The following TACR1 variants were observed in gnomAD, a reference collection of about 807,000 sequenced individuals.
The protein encoded by TACR1 is substance-P receptor.
In TACR1, 25 loss-of-function variants were observed where a neutral mutation model predicts 35.8. The observed-to-expected ratio is 0.70, with a 90% CI of 0.51 to 0.98. TACR1 has a LOEUF of 0.98. TACR1 is among the 50% of genes least tolerant of loss of function. The pLI is 0.00. For missense variants in TACR1, 478 were observed against 522.9 expected, an observed-to-expected ratio of 0.91 and a Z score of 0.84; for synonymous variants, 195 against 206.7, an observed-to-expected ratio of 0.94 and a Z score of 0.48.
chr2:75,114,011 G>T (rs999648038), intron 2 of TACR1, among the ~76,000 whole-genome samples: 2 of 152,080 alleles, frequency 1.3e-5, no homozygotes, highest in Non-Finnish European at 2.9e-5. Context: ...GCTGATTTTT[G>T]ATAATGAATC....
At chr2:75,058,027 C>G (rs1672602907) in intron 2 of TACR1, among the ~76,000 whole-genome samples, 2 of 152,136 alleles carry the variant, frequency 1.3e-5, no homozygotes, top group Non-Finnish European at 2.9e-5. Flanking sequence ...GTGCCACATC[C>G]CCACTGAAAA....
chr2:75,098,806 C>T (rs1673473576), intron 2 of TACR1, among the ~76,000 whole-genome samples: 1 of 152,202 alleles, frequency 6.6e-6, no homozygotes, highest in Non-Finnish European at 1.5e-5. Context: ...AGGCAATCTC[C>T]TGTCAATACT....
rs541435462 is a variant in TACR1, at chr2:75,198,629, C to CA, written c.305dup (p.Phe103ValfsTer27). 1 of 1,614,194 alleles carries CA rather than the reference C, an allele frequency of 6.2e-7. No homozygotes were observed. On this transcript the variant is annotated frameshift_variant, in exon 1 of 5. Transcript: ENST00000305249. LOFTEE classifies it high-confidence loss of function. ...AGAAGTTGTGGAACTTGCAGTAGAA[C>CA]AGGCCGTAGTACCATTCGTTGTGGA...
At chr2:75,079,237 C>A (rs1673034567) in intron 2 of TACR1, among the ~76,000 whole-genome samples, 1 of 152,194 alleles carries the variant, frequency 6.6e-6, no homozygotes, top group African/African-American at 2.4e-5. Context: ...CTCTCTCTTT[C>A]ATATACTTCC....
At chr2:75,120,521 G>A in intron 2 of TACR1, 53 bp downstream of exon 2, 1 of 1,499,122 alleles carries the variant, frequency 6.7e-7, no homozygotes, top group South Asian at 1.3e-5. Context: ...GAAGGGGCCA[G>A]GAAGGCAGCC....
rs112845614 is a variant in TACR1, at chr2:75,054,608, G to A, written c.585-853C>T. 4.6e-3 allele frequency among the ~76,000 whole-genome samples: 696 copies of A among 152,184 alleles called. 10 individuals carry two copies. Among genetic ancestry groups the A allele is most frequent in the African/African-American group, 0.016 (656 of 41,498 alleles). The stretch of plus-strand genomic sequence containing the variant: ...TTTATCCTTTTCTGTTAAAGGGAAG[G>A]CTCCTTTTCAGACTTAAATAAGGTT... On this transcript the variant is annotated intron_variant, in intron 2 of 4. Transcript: ENST00000305249.
intron 1 of TACR1, chr2:75,154,414 A>T (rs78101006): frequency 3.7e-5 from 3 of 81,176 alleles, no homozygotes; most frequent in Non-Finnish European, 7.7e-5. Flanking sequence ...GCGCACGCAC[A>T]CACACACACA....
At chr2:75,156,025 A>C (rs1572964347) in intron 1 of TACR1, among the ~76,000 whole-genome samples, 1 of 152,244 alleles carries the variant, frequency 6.6e-6, no homozygotes. Context: ...TGAAATTCAA[A>C]TTTCAGTGTC....
chr2:75,159,369 A>T (rs554541113), intron 1 of TACR1, among the ~76,000 whole-genome samples: 6 of 152,304 alleles, frequency 3.9e-5, no homozygotes, highest in Non-Finnish European at 8.8e-5. Context: ...TTATCTTTTT[A>T]TTTAAAAATC....
chr2:75,127,460 G>T (rs886504317), intron 1 of TACR1, among the ~76,000 whole-genome samples: 12 of 152,300 alleles, frequency 7.9e-5, no homozygotes, highest in African/African-American at 2.9e-4. Context: ...ATGAGGTTTT[G>T]ATCTCCATGC....
chr2:75,142,310 G>A (rs1674423619), intron 1 of TACR1, among the ~76,000 whole-genome samples: 1 of 152,198 alleles, frequency 6.6e-6, no homozygotes, highest in Admixed American at 6.5e-5. Flanking sequence ...GGTCTCAGGA[G>A]AAGGTTGTTT....
chr2:75,131,519 G>T (rs1406589880), intron 1 of TACR1, among the ~76,000 whole-genome samples: 7 of 152,028 alleles, frequency 4.6e-5, no homozygotes, highest in African/African-American at 1.7e-4. Context: ...ATTTGTTTTG[G>T]TACTAATATG....
At chr2:75,105,488 C>T (rs777778206) in intron 2 of TACR1, among the ~76,000 whole-genome samples, 13 of 151,962 alleles carry the variant, frequency 8.6e-5, no homozygotes, top group Admixed American at 3.9e-4. Context: ...AATAATGCAT[C>T]GTACACTTGA....
chr2:75,189,343 G>C (rs1675788842), intron 1 of TACR1: 1 of 152,202 alleles, frequency 6.6e-6, no homozygotes, highest in South Asian at 2.1e-4. Flanking sequence ...TTACAGAGAA[G>C]ATGATTCTGC....
intron 2 of TACR1, among the ~76,000 whole-genome samples, chr2:75,063,224 T>C (rs1180972238): frequency 1.3e-5 from 2 of 152,198 alleles, no homozygotes; most frequent in Non-Finnish European, 2.9e-5. Context: ...AGCCAAACCA[T>C]ATCAATAATT....
At chr2:75,051,579 A>G (rs1672472384) in intron 3 of TACR1, 132 bp from the exon 4 acceptor site, 1 of 1,481,068 alleles carries the variant, frequency 6.8e-7, no homozygotes, top group Non-Finnish European at 9.0e-7. Flanking sequence ...CGCCCCTTCA[A>G]GGAGGAGAAA....
In TACR1 at chr2:75,150,623, C is replaced by G. The variant is rs577226570; in HGVS notation, c.390-29855G>C. Among the ~76,000 whole-genome samples the G allele has an allele frequency of 1.7e-4, 26 of 152,316 alleles. 1 individual carries two copies. Among genetic ancestry groups the G allele is most frequent in the Admixed American group, 1.1e-3 (17 of 15,302 alleles). Reference sequence around the variant, plus strand: ...GTCCAATTAAACTTCTTTTTCTTCCCAGTCTTGGGTATGTTTTTTATAAGC... The same window carrying G: ...GTCCAATTAAACTTCTTTTTCTTCCGAGTCTTGGGTATGTTTTTTATAAGC... On this transcript the variant is annotated intron_variant, in intron 1 of 4. Coordinates refer to ENST00000305249, the MANE Select transcript of TACR1 (RefSeq NM_001058.4).
chr2:75,117,187 T>C (rs1054641160), intron 2 of TACR1, among the ~76,000 whole-genome samples: 5 of 151,878 alleles, frequency 3.3e-5, no homozygotes, highest in African/African-American at 1.2e-4. Context: ...TTCAAAACCT[T>C]TGCTCATTCT....
chr2:75,109,340 G>C (rs184173436), intron 2 of TACR1, among the ~76,000 whole-genome samples: 103 of 152,220 alleles, frequency 6.8e-4, no homozygotes, highest in Non-Finnish European at 1.2e-3. Flanking sequence ...GAGGCAGCTG[G>C]GAAGGGCAGA....
Sources: gnomAD v4.1 joint callset for allele counts (sites outside exome capture counted in the v4.1 genomes callset) on GRCh38, gnomAD v4.1.1 for gene constraint, MANE v1.5 for transcripts, NCBI Gene and HGNC (gene_info 2026-07-23, HGNC 2026-07-21) for gene names.